STPG2: variants seen among roughly 807,000 people sequenced by gnomAD.
The protein encoded by STPG2 is sperm tail PG-rich repeat containing 2.
In STPG2, 56 loss-of-function variants were observed where a neutral mutation model predicts 54.2. That is an observed-to-expected ratio of 1.03 (90% CI 0.83 to 1.29). The LOEUF (loss-of-function observed/expected upper bound fraction) is 1.29. Among genes scored for constraint, STPG2 ranks in the 50% most tolerant of loss-of-function variants. STPG2 has a pLI of 0.00. For missense variants in STPG2, 596 were observed against 544.9 expected, an observed-to-expected ratio of 1.09 and a Z score of -0.93; for synonymous variants, 200 against 181.8, an observed-to-expected ratio of 1.10 and a Z score of -0.81.
intron 5 of STPG2, among the ~76,000 whole-genome samples, chr4:98,090,678 C>G (rs1174556759): frequency 6.6e-6 from 1 of 152,028 alleles, no homozygotes; most frequent in Non-Finnish European, 1.5e-5. Flanking sequence ...TTGATTCTCC[C>G]CAACCATCAG....
chr4:97,984,805 C>T (rs1222899867), intron 5 of STPG2, among the ~76,000 whole-genome samples: 4 of 18,638 alleles, frequency 2.1e-4, no homozygotes, highest in Non-Finnish European at 4.3e-4. Context: ...GCTGATTACC[C>T]GCAACAGTGG....
At chr4:97,591,610 G>A (rs1364107876) in intron 10 of STPG2, among the ~76,000 whole-genome samples, 3 of 152,114 alleles carry the variant, frequency 2.0e-5, no homozygotes, top group Non-Finnish European at 2.9e-5. Context: ...AAGAGATAGA[G>A]GGATAAAATT....
intron 10 of STPG2, among the ~76,000 whole-genome samples, chr4:97,612,087 G>T (rs190078378): frequency 2.0e-3 from 296 of 151,472 alleles, no homozygotes; most frequent in African/African-American, 7.0e-3. Context: ...ATCAAGAAAA[G>T]AATTTAATAA....
chr4:98,022,089 G>T (rs1479996368), intron 5 of STPG2, among the ~76,000 whole-genome samples: 1 of 152,046 alleles, frequency 6.6e-6, no homozygotes, highest in Non-Finnish European at 1.5e-5. Context: ...TTGCTTGTTA[G>T]TTGATGCAGT....
chr4:97,909,943 C>CATG (rs1731615238), intron 8 of STPG2, among the ~76,000 whole-genome samples: 1 of 152,102 alleles, frequency 6.6e-6, no homozygotes, highest in Admixed American at 6.6e-5. Context: ...TACACTAAAA[C>CATG]ATGATAATAA....
intron 10 of STPG2, among the ~76,000 whole-genome samples, chr4:97,670,266 A>G (rs1286236363): frequency 6.6e-6 from 1 of 152,086 alleles, no homozygotes; most frequent in African/African-American, 2.4e-5. Flanking sequence ...GACAATATTG[A>G]TTATCTAATA....
intron 5 of STPG2, among the ~76,000 whole-genome samples, chr4:98,024,252 A>T (rs1736338596): frequency 6.6e-6 from 1 of 152,188 alleles, no homozygotes; most frequent in African/African-American, 2.4e-5. Context: ...AGACTAATAC[A>T]GAGGAGTGTG....
chr4:97,748,446 A>C (rs1366259587), intron 9 of STPG2, among the ~76,000 whole-genome samples: 1 of 151,642 alleles, frequency 6.6e-6, no homozygotes, highest in Non-Finnish European at 1.5e-5. Context: ...TATAACACTA[A>C]CCCAAAGCTT....
In STPG2 at chr4:97,978,330, T is replaced by C. The variant is rs1328529012; in HGVS notation, c.772+2829A>G. ...TACACCATGAAATACTATGCAGCAA[T>C]AAAAAAGAATGAGATCAAGTCCTTT... On this transcript the variant is annotated intron_variant, in intron 6 of 10. Coordinates refer to ENST00000295268, the MANE Select transcript of STPG2 (RefSeq NM_174952.3). 2.0e-5 allele frequency among the ~76,000 whole-genome samples: 3 copies of C among 151,968 alleles called. No homozygotes were observed. The East Asian group carries it at 5.8e-4, about 29-fold the overall frequency.
At chr4:97,995,017 G>A (rs1560627388) in intron 5 of STPG2, among the ~76,000 whole-genome samples, 1 of 152,048 alleles carries the variant, frequency 6.6e-6, no homozygotes, top group Non-Finnish European at 1.5e-5. Context: ...CCAGGCCAAT[G>A]GAGTTATGTT....
At chr4:98,055,041 G>A (rs1247110733) in intron 5 of STPG2, among the ~76,000 whole-genome samples, 5 of 152,082 alleles carry the variant, frequency 3.3e-5, no homozygotes, top group African/African-American at 4.8e-5. Flanking sequence ...TAGAAGCTAC[G>A]CTGAGGTAGG....
At position 97,958,752 on chromosome 4, in the gene STPG2, T is replaced by C. The variant is rs530880718; in HGVS notation, c.933+13528A>G. Among the ~76,000 whole-genome samples, 26 of 151,676 alleles carry C rather than the reference T, an allele frequency of 1.7e-4. 1 individual carries two copies. In the South Asian group the frequency reaches 3.8e-3, roughly 22 times the overall value. On this transcript the variant is annotated intron_variant, in intron 7 of 10. Coordinates refer to ENST00000295268, the MANE Select transcript of STPG2 (RefSeq NM_174952.3). ...TTACTACTAGACGTAAGAAATGAGA[T>C]AGACAGCAACACAATAACAGTGGGG...
chr4:98,105,337 G>A (rs1410938739), intron 5 of STPG2, among the ~76,000 whole-genome samples: 1 of 152,100 alleles, frequency 6.6e-6, no homozygotes, highest in African/African-American at 2.4e-5. Context: ...ATGACCCCAG[G>A]AATGCTGAGT....
chr4:97,444,991 C>T (rs1027151320), intron 4 of STPG2, among the ~76,000 whole-genome samples: 5 of 152,070 alleles, frequency 3.3e-5, no homozygotes, highest in Admixed American at 6.6e-5. Flanking sequence ...GAGTGGAGAT[C>T]GTGCCACTGC....
intron 3 of STPG2, among the ~76,000 whole-genome samples, chr4:98,111,000 G>A (rs368379979): frequency 6.6e-6 from 1 of 152,080 alleles, no homozygotes; most frequent in Admixed American, 6.6e-5. Flanking sequence ...ATAGACACAA[G>A]TAAGTGCTAG....
At chr4:98,066,957 T>C (rs1053502534) in intron 5 of STPG2, among the ~76,000 whole-genome samples, 2 of 152,188 alleles carry the variant, frequency 1.3e-5, no homozygotes, top group African/African-American at 4.8e-5. Context: ...CAATTCTCTT[T>C]TTAAGAGGTT....
chr4:97,797,796 G>A (rs1006808887), intron 9 of STPG2, among the ~76,000 whole-genome samples: 2 of 152,124 alleles, frequency 1.3e-5, no homozygotes, highest in African/African-American at 4.8e-5. Context: ...GGTAGAATTC[G>A]GCTGCGAATC....
chr4:97,968,263 C>G (rs1313553507), intron 7 of STPG2, among the ~76,000 whole-genome samples: 2 of 151,962 alleles, frequency 1.3e-5, no homozygotes, highest in African/African-American at 4.8e-5. Context: ...CTGAATCGAC[C>G]AATAACAGGT....
intron 8 of STPG2, among the ~76,000 whole-genome samples, chr4:97,929,998 C>T (rs944470938): frequency 6.6e-6 from 1 of 152,154 alleles, no homozygotes. Context: ...CTCCCAGGTT[C>T]AAGCGATTCT....
Sources: allele counts gnomAD v4.1 joint callset (sites outside exome capture counted in the v4.1 genomes callset), GRCh38; gene constraint gnomAD v4.1.1; transcripts MANE v1.5; gene names NCBI Gene and HGNC (gene_info 2026-07-23, HGNC 2026-07-21).